MBTPS2: variants seen among roughly 807,000 people sequenced by gnomAD.
MBTPS2 encodes the protein membrane bound transcription factor peptidase, site 2.
A neutral mutation model predicts 35.4 loss-of-function variants in MBTPS2; 2 were observed. The ratio of observed to expected loss-of-function variants is 0.06; its 90% CI spans 0.02 to 0.18. The LOEUF is 0.18. MBTPS2 is among the 10% of genes least tolerant of loss of function. The probability of loss-of-function intolerance (pLI) is 1.00; values close to 1 mark genes in which losing one functional copy is unlikely to be tolerated. For synonymous variants in MBTPS2, 125 were observed against 140.4 expected (o/e 0.89, Z 0.77); for missense variants, 244 against 386.5 (o/e 0.63, Z 3.09).
At chrX:21,869,424 T>G in intron 6 of MBTPS2, 74 bp from the exon 7 acceptor site, 4 of 765,073 alleles carry the variant, frequency 5.2e-6, no homozygotes, top group East Asian at 6.3e-5. Flanking sequence ...TAACTCAGTG[T>G]CTTTATTATT....
intron 5 of MBTPS2, among the ~76,000 whole-genome samples, chrX:21,863,624 A>G (rs2092935980): frequency 8.9e-6 from 1 of 111,931 alleles, no homozygotes; most frequent in African/African-American, 3.2e-5. Context: ...ATGTACTGAG[A>G]CTTCTTTTTC....
intron 5 of MBTPS2, among the ~76,000 whole-genome samples, chrX:21,866,527 A>G (rs2092939956): frequency 8.9e-6 from 1 of 111,950 alleles, no homozygotes; most frequent in Non-Finnish European, 1.9e-5. Flanking sequence ...TAATAGGAAG[A>G]AAAGATCTCA....
rs60769329 is a variant in MBTPS2 at position 21,879,949 on chromosome X, C to CTTTTTTTTTTTT, written c.1262-938_1262-927dup. Among the ~76,000 whole-genome samples, 36 of 47,380 alleles carry CTTTTTTTTTTTT rather than the reference C, an allele frequency of 7.6e-4. 3 individuals carry two copies. The highest frequency in any genetic ancestry group is 2.3e-3 in the African/African-American group (17 of 7,486). 41.1% of individuals were successfully genotyped at this position (47,380 alleles called of 115,157 possible). ...ATGGATATGTGGGTTTTATGTTATT[C>CTTTTTTTTTTTT]TTTTTTTTTTTTTTTTTTTTTGAGA... On this transcript the variant is annotated intron_variant, in intron 9 of 10. Coordinates refer to ENST00000379484, the MANE Select transcript of MBTPS2 (RefSeq NM_015884.4).
intron 5 of MBTPS2, among the ~76,000 whole-genome samples, chrX:21,863,875 G>A (rs2092936377): frequency 9.0e-6 from 1 of 111,651 alleles, no homozygotes; most frequent in Admixed American, 9.5e-5. Context: ...CAAGGTTAGG[G>A]GTGGGGAGGA....
intron 2 of MBTPS2, among the ~76,000 whole-genome samples, chrX:21,843,804 A>C (rs2092905404): frequency 9.0e-6 from 1 of 111,608 alleles, no homozygotes; most frequent in Non-Finnish European, 1.9e-5. Flanking sequence ...CAGCAAAGCC[A>C]AAAGTTGGTT....
In MBTPS2 at chrX:21,856,364, T is replaced by TCTCTGCAGCTCGCCCCTTC. The variant is rs60804526; in HGVS notation, c.670+2892_670+2910dup. Reference sequence around the variant, plus strand: ...CGCCTTTCTCTGCAGCTCGCGCCTTTCTCTGCAGCTCGCCCCTTCCTCTGC... The same window carrying TCTCTGCAGCTCGCCCCTTC: ...CGCCTTTCTCTGCAGCTCGCGCCTTTCTCTGCAGCTCGCCCCTTCCTCTGCAGCTCGCCCCTTCCTCTGC... On this transcript the variant is annotated intron_variant, in intron 5 of 10. Transcript: ENST00000379484. 265 of 632,000 alleles carry TCTCTGCAGCTCGCCCCTTC rather than the reference T, an allele frequency of 4.2e-4. 2 individuals are homozygous for TCTCTGCAGCTCGCCCCTTC. The highest frequency in any genetic ancestry group is 1.4e-3 in the African/African-American group (34 of 24,326). 52.1% of individuals were successfully genotyped at this position (632,000 alleles called of 1,213,427 possible).
intron 3 of MBTPS2, among the ~76,000 whole-genome samples, chrX:21,849,787 G>A (rs972744319): frequency 9.4e-6 from 1 of 106,288 alleles, no homozygotes; most frequent in East Asian, 2.9e-4. Flanking sequence ...AGCACTTTGG[G>A]AGGCGGAGGA....
At chrX:21,862,931 A>AAAATATATATATATATAT (rs1569325764) in intron 5 of MBTPS2, among the ~76,000 whole-genome samples, 1 of 13,777 alleles carries the variant, frequency 7.3e-5, no homozygotes, top group Non-Finnish European at 1.8e-4. Context: ...TATATATATA[A>AAAATATATATATATATAT]ACATATATAT....
chrX:21,847,247 C>CA (rs1426214181), intron 3 of MBTPS2, among the ~76,000 whole-genome samples: 1 of 111,916 alleles, frequency 8.9e-6, no homozygotes, highest in Non-Finnish European at 1.9e-5. Flanking sequence ...ATAGTACTCA[C>CA]AAAAATGTCA....
At chrX:21,862,824 CAT>C (rs1241418822) in intron 5 of MBTPS2, among the ~76,000 whole-genome samples, 1 of 89,812 alleles carries the variant, frequency 1.1e-5, no homozygotes, top group African/African-American at 4.0e-5. Context: ...AAACAAAAAA[CAT>C]ATATATATAA....
At chrX:21,874,060 G>A (rs1319809841) in intron 7 of MBTPS2, among the ~76,000 whole-genome samples, 4 of 84,254 alleles carry the variant, frequency 4.7e-5, no homozygotes, top group South Asian at 6.5e-4. Context: ...TCACTCTGTC[G>A]CCCAGGCTAG....
In MBTPS2 at chrX:21,865,126, C is replaced by G. The variant is rs1337574802; in HGVS notation, c.671-3341C>G. Among the ~76,000 whole-genome samples the G allele has an allele frequency of 2.8e-5, 3 of 106,859 alleles. No individual in the cohort carries two copies. In the Admixed American group the frequency reaches 3.0e-4, roughly 11 times the overall value. 92.8% of individuals were successfully genotyped at this position (106,859 alleles called of 115,157 possible). A position where few individuals can be genotyped will look rare whatever the true frequency, so the allele number is the denominator to read the frequency against. On this transcript the variant is annotated intron_variant, in intron 5 of 10. Transcript: ENST00000379484. ...CTCAAACTCCTGGGTTCAAGAGATA[C>G]AACCACCTCGGCCTCCCAAAGTGCT...
chrX:21,848,575 G>A (rs1268437629), intron 3 of MBTPS2, among the ~76,000 whole-genome samples: 1 of 110,829 alleles, frequency 9.0e-6, no homozygotes, highest in Non-Finnish European at 1.9e-5. Context: ...AGCTACTGTG[G>A]AGGCTGAAGC....
At chrX:21,879,242 C>T (rs1045632875) in intron 9 of MBTPS2, among the ~76,000 whole-genome samples, 3 of 111,551 alleles carry the variant, frequency 2.7e-5, no homozygotes, top group Non-Finnish European at 5.6e-5. Context: ...GCGATTTACC[C>T]ATTAAAGTTT....
At chrX:21,841,746 T>G (rs2092902879) in intron 1 of MBTPS2, 1 of 112,330 alleles carries the variant, frequency 8.9e-6, no homozygotes, top group Non-Finnish European at 1.9e-5. Context: ...CTGGTTTCAG[T>G]AACAACCCCT....
intron 5 of MBTPS2, among the ~76,000 whole-genome samples, chrX:21,859,579 TTTAACAC>T (rs1409114752): frequency 1.8e-5 from 2 of 108,390 alleles, no homozygotes; most frequent in African/African-American, 6.7e-5. Flanking sequence ...ATATGTTGAC[TTTAACAC>T]TTAAGAAGTA....
At chrX:21,847,209 TTTC>T (rs1178376871) in intron 3 of MBTPS2, among the ~76,000 whole-genome samples, 1 of 111,859 alleles carries the variant, frequency 8.9e-6, no homozygotes, top group African/African-American at 3.2e-5. Context: ...GAAGAAATTA[TTTC>T]TTCTCTTTGC....
chrX:21,885,105 G>A lies in MBTPS2; in HGVS notation c.*2450G>A, dbSNP rs1392731297. 4 of 741,545 alleles carry A rather than the reference G, an allele frequency of 5.4e-6. No homozygotes were observed. The highest frequency in any genetic ancestry group is 8.8e-5 in the Admixed American group (1 of 11,339). 61.1% of individuals were successfully genotyped at this position (741,545 alleles called of 1,213,427 possible). On this transcript the variant is annotated 3_prime_UTR_variant, in exon 11 of 11. Coordinates refer to ENST00000379484, the MANE Select transcript of MBTPS2 (RefSeq NM_015884.4). ...TAATCACCTACAATCTGTAAAGAAT[G>A]TATATATTCTTTTCAGCATCTCAGT...
rs896643124 is a variant in MBTPS2, at chrX:21,885,224, G to A, written c.*2569G>A. The stretch of plus-strand genomic sequence containing the variant: ...GCAAATTGTAAACATGTGCTTCATA[G>A]ATATTGTGGCTCTCAGTCATCACTT... On this transcript the variant is annotated 3_prime_UTR_variant, in exon 11 of 11. Coordinates refer to ENST00000379484, the MANE Select transcript of MBTPS2 (RefSeq NM_015884.4). The A allele has an allele frequency of 2.7e-6, 2 of 748,928 alleles. No individual in the cohort carries two copies. The highest frequency in any genetic ancestry group is 3.1e-6 in the Non-Finnish European group (2 of 635,885). The allele number at this position is 748,928 out of a possible 1,213,427, so 61.7% of individuals were successfully genotyped here.
Sources: allele counts gnomAD v4.1 joint callset (sites outside exome capture counted in the v4.1 genomes callset), GRCh38; gene constraint gnomAD v4.1.1; transcripts MANE v1.5; gene names NCBI Gene and HGNC (gene_info 2026-07-23, HGNC 2026-07-21).